Variants in CNTNAP2 observed in about 807,000 individuals in gnomAD.
CNTNAP2 encodes contactin-associated protein-like 2.
CNTNAP2 carries 98 observed loss-of-function variants against 155.2 expected under a neutral mutation model. That is an observed-to-expected ratio of 0.63 (90% CI 0.54 to 0.75). The LOEUF is 0.75. Ranked by LOEUF, CNTNAP2 falls within the 30% of genes least tolerant of loss-of-function variation. The pLI is 0.00. For synonymous variants in CNTNAP2, 651 were observed against 631.2 expected, an observed-to-expected ratio of 1.03 and a Z score of -0.47; for missense variants, 1,727 against 1,688.1, an observed-to-expected ratio of 1.02 and a Z score of -0.40.
intron 1 of CNTNAP2, among the ~76,000 whole-genome samples, chr7:146,696,646 C>T (rs986283132): frequency 1.3e-5 from 2 of 152,086 alleles, no homozygotes; most frequent in Admixed American, 6.6e-5. Context: ...TTTTCTAATA[C>T]ATGCATTCAG....
At chr7:147,300,019 C>A in intron 8 of CNTNAP2, 122 bp from the exon 9 acceptor site, 1 of 1,020,532 alleles carries the variant, frequency 9.8e-7, no homozygotes, top group Non-Finnish European at 1.5e-6. Flanking sequence ...GAATTGTAAG[C>A]AGCACTGTAT....
rs80026095 is a variant in CNTNAP2 at position 147,449,154 on chromosome 7, C to T, written c.1671-36781C>T. On this transcript the variant is annotated intron_variant, in intron 10 of 23. Coordinates refer to ENST00000361727, the MANE Select transcript of CNTNAP2 (RefSeq NM_014141.6). ...CATATACCTATTGAAAGGGTAACCA[C>T]ATCAAATGTTCTCTGGCTATTTAAA... Among the ~76,000 whole-genome samples, 1,297 of 152,288 alleles carry T rather than the reference C, an allele frequency of 8.5e-3. 21 individuals carry two copies. Among genetic ancestry groups the T allele is most frequent in the African/African-American group, 0.03 (1,237 of 41,552 alleles).
chr7:147,158,921 CATAAAACTGATGTATAAA>C (rs1801975577), intron 8 of CNTNAP2, among the ~76,000 whole-genome samples: 1 of 152,058 alleles, frequency 6.6e-6, no homozygotes, highest in African/African-American at 2.4e-5. Flanking sequence ...TAATAAAATC[CATAAAACTGATGTATAAA>C]AGTTGTTTTA....
intron 3 of CNTNAP2, among the ~76,000 whole-genome samples, chr7:146,949,311 A>G (rs912049068): frequency 5.3e-5 from 8 of 152,256 alleles, no homozygotes; most frequent in African/African-American, 1.9e-4. Flanking sequence ...ATACGGAAAC[A>G]GACCTCAGAT....
chr7:147,599,662 T>G (rs1445997235), intron 12 of CNTNAP2, among the ~76,000 whole-genome samples: 1 of 152,122 alleles, frequency 6.6e-6, no homozygotes, highest in Non-Finnish European at 1.5e-5. Context: ...GTGGTTGCAA[T>G]CCTTGAGTTC....
At chr7:147,684,397 C>T (rs757806976) in intron 13 of CNTNAP2, among the ~76,000 whole-genome samples, 39 of 151,758 alleles carry the variant, frequency 2.6e-4, no homozygotes, top group Non-Finnish European at 4.0e-4. Flanking sequence ...GAACTTTACA[C>T]TTTCAAAAAA....
chr7:148,344,706 T>A (rs1798292318), intron 21 of CNTNAP2, among the ~76,000 whole-genome samples: 1 of 152,196 alleles, frequency 6.6e-6, no homozygotes, highest in Non-Finnish European at 1.5e-5. Context: ...GAGGCAGAGC[T>A]GGCATGGTAA....
chr7:146,290,946 G>GT (rs1297553816), intron 1 of CNTNAP2, among the ~76,000 whole-genome samples: 3 of 152,182 alleles, frequency 2.0e-5, no homozygotes, highest in Non-Finnish European at 2.9e-5. Flanking sequence ...TTCAAAAGCT[G>GT]TTTTTCCTAT....
intron 19 of CNTNAP2, among the ~76,000 whole-genome samples, chr7:148,222,656 G>A (rs1795774482): frequency 6.6e-6 from 1 of 152,184 alleles, no homozygotes; most frequent in Non-Finnish European, 1.5e-5. Context: ...CCATATTAGG[G>A]ATTAAGTTTC....
intron 1 of CNTNAP2, among the ~76,000 whole-genome samples, chr7:146,493,910 T>C (rs140070805): frequency 4.4e-4 from 67 of 152,292 alleles, no homozygotes; most frequent in African/African-American, 1.5e-3. Context: ...ACCATACATA[T>C]TGAGTACAGT....
At chr7:147,033,190 A>ATATATATG (rs1799076359) in intron 3 of CNTNAP2, among the ~76,000 whole-genome samples, 2 of 92,476 alleles carry the variant, frequency 2.2e-5, no homozygotes, top group Non-Finnish European at 4.5e-5. Flanking sequence ...ATATATATAT[A>ATATATATG]TATATATATA....
chr7:147,267,964 G>A (rs1256137615), intron 8 of CNTNAP2, among the ~76,000 whole-genome samples: 1 of 152,154 alleles, frequency 6.6e-6, no homozygotes, highest in Non-Finnish European at 1.5e-5. Flanking sequence ...GGTGTTTGTG[G>A]TTGTGGTGAG....
intron 3 of CNTNAP2, among the ~76,000 whole-genome samples, chr7:146,868,484 T>G (rs1015731848): frequency 6.6e-6 from 1 of 152,284 alleles, no homozygotes; most frequent in African/African-American, 2.4e-5. Context: ...TGTTTAGGAT[T>G]GCCTTGGCTA....
At chr7:146,152,097 A>C (rs1798061082) in intron 1 of CNTNAP2, among the ~76,000 whole-genome samples, 1 of 152,098 alleles carries the variant, frequency 6.6e-6, no homozygotes, top group Admixed American at 6.6e-5. Context: ...ACTATAGCCA[A>C]GATATGGAAT....
intron 21 of CNTNAP2, among the ~76,000 whole-genome samples, chr7:148,313,719 T>A (rs1290478014): frequency 6.6e-6 from 1 of 152,152 alleles, no homozygotes; most frequent in African/African-American, 2.4e-5. Context: ...TGTTGTGGGG[T>A]CTGAGCACCG....
In CNTNAP2 at chr7:147,554,040, C is replaced by T. The variant is rs1035708272; in HGVS notation, c.1778-8098C>T. ...GACTCAGGAGATGCAGCAACATAAGCAACCTCTATAGGATCTGAGCAAGAT... is the reference window on the plus strand; with the variant it reads ...GACTCAGGAGATGCAGCAACATAAGTAACCTCTATAGGATCTGAGCAAGAT... On this transcript the variant is annotated intron_variant, in intron 11 of 23. Coordinates refer to ENST00000361727, the MANE Select transcript of CNTNAP2 (RefSeq NM_014141.6). 3.6e-3 allele frequency among the ~76,000 whole-genome samples: 542 copies of T among 152,286 alleles called. 6 individuals are homozygous for T. Among genetic ancestry groups the T allele is most frequent in the African/African-American group, 0.012 (507 of 41,568 alleles).
intron 14 of CNTNAP2, among the ~76,000 whole-genome samples, chr7:147,926,856 T>C (rs375667600): frequency 1.6e-4 from 25 of 152,210 alleles, no homozygotes; most frequent in East Asian, 3.8e-4. Context: ...TTAAGACAGA[T>C]TGACATATTT....
chr7:146,620,137 T>C (rs1799293358), intron 1 of CNTNAP2, among the ~76,000 whole-genome samples: 1 of 152,194 alleles, frequency 6.6e-6, no homozygotes, highest in Admixed American at 6.5e-5. Flanking sequence ...TTGTTGTAAC[T>C]GAAAATGATC....
chr7:146,659,077 G>T (rs2129165523), intron 1 of CNTNAP2, among the ~76,000 whole-genome samples: 1 of 152,236 alleles, frequency 6.6e-6, no homozygotes, highest in Non-Finnish European at 1.5e-5. Flanking sequence ...CCAATCCCTT[G>T]TTTATTCTCT....
Sources: gnomAD v4.1 joint callset for allele counts (sites outside exome capture counted in the v4.1 genomes callset) on GRCh38, gnomAD v4.1.1 for gene constraint, MANE v1.5 for transcripts, NCBI Gene and HGNC (gene_info 2026-07-23, HGNC 2026-07-21) for gene names.